CCDC30: variants seen among roughly 807,000 people sequenced by gnomAD.
CCDC30 encodes coiled-coil domain containing 30, also known as coiled-coil domain-containing protein 30.
CCDC30 carries 70 observed loss-of-function variants against 100.2 expected under a neutral mutation model. The ratio of observed to expected loss-of-function variants is 0.70; its 90% CI spans 0.58 to 0.85. The LOEUF (loss-of-function observed/expected upper bound fraction) is 0.85. Among genes scored for constraint, CCDC30 ranks in the 40% least tolerant of loss-of-function variants. The pLI, the probability that CCDC30 is intolerant of heterozygous loss-of-function variation, is 0.00. For synonymous variants in CCDC30, 233 were observed against 269.5 expected (o/e 0.86, Z 1.33); for missense variants, 652 against 771.2 (o/e 0.85, Z 1.83).
intron 9 of CCDC30, among the ~76,000 whole-genome samples, chr1:42,588,648 A>G (rs757070803): frequency 3.3e-5 from 5 of 152,176 alleles, no homozygotes; most frequent in Non-Finnish European, 7.3e-5. Flanking sequence ...ATATTCCTCA[A>G]TCTTCTTTTC....
chr1:42,552,274 A>G (rs532140854), intron 6 of CCDC30, among the ~76,000 whole-genome samples: 1 of 152,312 alleles, frequency 6.6e-6, no homozygotes, highest in South Asian at 2.1e-4. Flanking sequence ...CCTGGAGAGC[A>G]CTGCTCATTC....
In CCDC30 at chr1:42,652,553, T is replaced by C. The variant is rs141476817; in HGVS notation, c.1855-823T>C. Reference sequence around the variant, plus strand: ...TCACAATATCCAAGAGAAATAAAAATATATGTCCTACCAGAAACTTGTAGA... The same window carrying C: ...TCACAATATCCAAGAGAAATAAAAACATATGTCCTACCAGAAACTTGTAGA... On this transcript the variant is annotated intron_variant, in intron 15 of 16. Transcript: ENST00000668663. Among the ~76,000 whole-genome samples, 451 of 152,222 alleles carry C rather than the reference T, an allele frequency of 3.0e-3. 2 individuals carry two copies. The highest frequency in any genetic ancestry group is 0.01 in the African/African-American group (429 of 41,542).
chr1:42,479,069 T>C (rs544848910), intron 1 of CCDC30, among the ~76,000 whole-genome samples: 3 of 152,246 alleles, frequency 2.0e-5, no homozygotes, highest in African/African-American at 7.2e-5. Flanking sequence ...CATAAAGCTG[T>C]AGCAATCAAG....
intron 10 of CCDC30, chr1:42,592,032 C>G (rs1210863585): frequency 6.6e-6 from 1 of 152,196 alleles, no homozygotes; most frequent in Non-Finnish European, 1.5e-5. Flanking sequence ...TGATGTTTAC[C>G]TAATGCCTGT....
At chr1:42,559,158 A>T (rs1645433654) in intron 6 of CCDC30, among the ~76,000 whole-genome samples, 1 of 152,220 alleles carries the variant, frequency 6.6e-6, no homozygotes, top group African/African-American at 2.4e-5. Context: ...AAATATGGAA[A>T]GGAAAAACCG....
chr1:42,653,334 T>C, intron 15 of CCDC30, 42 bp from the exon 20 acceptor site: 2 of 1,227,880 alleles, frequency 1.6e-6, no homozygotes, highest in Non-Finnish European at 2.4e-6. Context: ...GCTAATGGTT[T>C]ATCATTATAA....
chr1:42,527,015 A>G (rs932409349), intron 6 of CCDC30, among the ~76,000 whole-genome samples: 8 of 152,202 alleles, frequency 5.3e-5, no homozygotes, highest in African/African-American at 1.9e-4. Context: ...GATTTTAAAC[A>G]TGGATTTCCA....
chr1:42,514,491 G>A (rs558191036), intron 6 of CCDC30, among the ~76,000 whole-genome samples: 1 of 152,288 alleles, frequency 6.6e-6, no homozygotes, highest in South Asian at 2.1e-4. Context: ...AATGACTAAT[G>A]ATACTGAGTA....
At chr1:42,625,204 A>G (rs1646909682) in intron 11 of CCDC30, among the ~76,000 whole-genome samples, 1 of 151,992 alleles carries the variant, frequency 6.6e-6, no homozygotes. Context: ...CGATACTTTG[A>G]ATTTCTGTGG....
At chr1:42,610,417 T>TTTTTG (rs529622606) in intron 10 of CCDC30, among the ~76,000 whole-genome samples, 33 of 152,194 alleles carry the variant, frequency 2.2e-4, no homozygotes, top group South Asian at 6.2e-4. Flanking sequence ...ATTTTTTGTT[T>TTTTTG]TTTTGTTTTG....
At chr1:42,456,156 T>C in the CCDC30 span, 29 of 663,630 alleles carry the variant, frequency 4.4e-5, no homozygotes, top group Admixed American at 3.2e-4. Context: ...ATTGCTGAAG[T>C]TGGAAAAGGG....
downstream of CCDC30, chr1:42,654,220 G>A: frequency 1.8e-6 from 1 of 568,302 alleles, no homozygotes; most frequent in Non-Finnish European, 3.1e-6. Flanking sequence ...ATCCTCAGAT[G>A]CCTTGTATTG....
At chr1:42,608,629 C>T (rs1197173209) in intron 10 of CCDC30, among the ~76,000 whole-genome samples, 2 of 144,448 alleles carry the variant, frequency 1.4e-5, no homozygotes, top group South Asian at 2.3e-4. Context: ...GGCGTGAACC[C>T]GGGAGGCGGA....
intron 6 of CCDC30, chr1:42,536,525 CAA>C: frequency 6.2e-7 from 1 of 1,612,152 alleles, no homozygotes; most frequent in South Asian, 1.1e-5. Flanking sequence ...AGTGAGTGGT[CAA>C]AAGAGAGAGA....
chr1:42,583,268 G>C (rs988341707), intron 9 of CCDC30, among the ~76,000 whole-genome samples: 1 of 152,118 alleles, frequency 6.6e-6, no homozygotes, highest in Non-Finnish European at 1.5e-5. Context: ...TTTGATGTTT[G>C]TTCTTGCTTA....
At chr1:42,482,882 G>C in intron 3 of CCDC30, 66 bp downstream of exon 3, 1 of 1,040,768 alleles carries the variant, frequency 9.6e-7, no homozygotes, top group Non-Finnish European at 1.2e-6. Flanking sequence ...ATCTCAGGGT[G>C]GAACATGAGA....
intron 11 of CCDC30, among the ~76,000 whole-genome samples, chr1:42,615,203 C>T (rs988213179): frequency 1.3e-5 from 2 of 152,128 alleles, no homozygotes; most frequent in Non-Finnish European, 2.9e-5. Flanking sequence ...GATGAAGTAG[C>T]TATATTCTCA....
chr1:42,632,375 G>C (rs1380820517), intron 11 of CCDC30, among the ~76,000 whole-genome samples: 1 of 152,128 alleles, frequency 6.6e-6, no homozygotes, highest in Admixed American at 6.5e-5. Flanking sequence ...GCTGAGGCAG[G>C]AGAATTGCTT....
At chr1:42,494,268 T>A (rs896373253) in intron 4 of CCDC30, among the ~76,000 whole-genome samples, 7 of 152,198 alleles carry the variant, frequency 4.6e-5, no homozygotes, top group African/African-American at 1.7e-4. Flanking sequence ...GATTCCCTAT[T>A]TAATAAATGG....
Sources: gnomAD v4.1 joint callset for allele counts (sites outside exome capture counted in the v4.1 genomes callset) on GRCh38, gnomAD v4.1.1 for gene constraint, MANE v1.5 for transcripts, NCBI Gene and HGNC (gene_info 2026-07-23, HGNC 2026-07-21) for gene names.